MARCHF1: variants seen among roughly 807,000 people sequenced by gnomAD.
MARCHF1 encodes membrane associated ring-CH-type finger 1.
MARCHF1 carries 40 observed loss-of-function variants against 54.2 expected under a neutral mutation model. That is an observed-to-expected ratio of 0.74 (90% CI 0.57 to 0.96). MARCHF1 has a LOEUF of 0.96. MARCHF1 is among the 40% of genes least tolerant of loss of function. The pLI is 0.00. For missense variants in MARCHF1, 586 were observed against 656.5 expected, an observed-to-expected ratio of 0.89 and a Z score of 1.17; for synonymous variants, 236 against 236.3, an observed-to-expected ratio of 1.00 and a Z score of 0.01.
chr4:164,016,529 A>C (rs150961203), intron 2 of MARCHF1, among the ~76,000 whole-genome samples: 1 of 152,174 alleles, frequency 6.6e-6, no homozygotes, highest in African/African-American at 2.4e-5. Context: ...ATGGAACTGG[A>C]GGGCATTTTA....
intron 1 of MARCHF1, among the ~76,000 whole-genome samples, chr4:164,182,056 AT>A (rs1730846791): frequency 6.6e-6 from 1 of 152,120 alleles, no homozygotes; most frequent in Non-Finnish European, 1.5e-5. Flanking sequence ...TTTCTCTGAA[AT>A]TCATTAACAT....
intron 4 of MARCHF1, among the ~76,000 whole-genome samples, chr4:163,812,818 C>T (rs1748429699): frequency 6.6e-6 from 1 of 152,048 alleles, no homozygotes; most frequent in Admixed American, 6.6e-5. Flanking sequence ...ACCAAATGAG[C>T]TTTGGAAGTC....
intron 2 of MARCHF1, among the ~76,000 whole-genome samples, chr4:164,009,310 T>A (rs932913657): frequency 6.6e-6 from 1 of 152,026 alleles, no homozygotes; most frequent in African/African-American, 2.4e-5. Flanking sequence ...TAATAACAAG[T>A]CTCTCATTAA....
intron 3 of MARCHF1, among the ~76,000 whole-genome samples, chr4:163,923,786 A>G (rs928972630): frequency 2.6e-5 from 4 of 151,878 alleles, no homozygotes; most frequent in African/African-American, 9.6e-5. Flanking sequence ...AAAAAATAGA[A>G]AAAAGTAAAA....
chr4:164,179,824 A>G (rs1208273651), intron 1 of MARCHF1, among the ~76,000 whole-genome samples: 1 of 151,814 alleles, frequency 6.6e-6, no homozygotes, highest in East Asian at 1.9e-4. Flanking sequence ...TATAACCTAC[A>G]GTAATAATAA....
intron 1 of MARCHF1, among the ~76,000 whole-genome samples, chr4:164,114,339 T>G (rs989167413): frequency 6.6e-6 from 1 of 151,912 alleles, no homozygotes; most frequent in Non-Finnish European, 1.5e-5. Flanking sequence ...ATTTTCTTAT[T>G]GTTTATTGTA....
intron 1 of MARCHF1, among the ~76,000 whole-genome samples, chr4:164,307,514 C>T (rs1254355594): frequency 2.6e-5 from 4 of 152,196 alleles, no homozygotes; most frequent in South Asian, 2.1e-4. Flanking sequence ...CTGTGTAATC[C>T]TTGTGCTATC....
At chr4:164,321,906 T>G (rs991838137) in intron 1 of MARCHF1, among the ~76,000 whole-genome samples, 3 of 152,142 alleles carry the variant, frequency 2.0e-5, no homozygotes, top group African/African-American at 7.2e-5. Flanking sequence ...ATGTGCCTAC[T>G]GACTGCTTAT....
At chr4:164,159,206 A>G (rs533348733) in intron 1 of MARCHF1, among the ~76,000 whole-genome samples, 1 of 152,316 alleles carries the variant, frequency 6.6e-6, no homozygotes, top group South Asian at 2.1e-4. Context: ...CATGCTGTTG[A>G]TGCTAAAACG....
chr4:164,377,337 T>A (rs1352579031), intron 1 of MARCHF1, among the ~76,000 whole-genome samples: 1 of 152,228 alleles, frequency 6.6e-6, no homozygotes, highest in South Asian at 2.1e-4. Flanking sequence ...CTGAGTTTTA[T>A]CCATATACCA....
At chr4:163,691,409 G>C (rs1251243687) in intron 5 of MARCHF1, among the ~76,000 whole-genome samples, 1 of 152,108 alleles carries the variant, frequency 6.6e-6, no homozygotes, top group East Asian at 1.9e-4. Flanking sequence ...AAATACATAT[G>C]TCCCTCAAGT....
chr4:163,872,411 G>C (rs1215713617), intron 3 of MARCHF1, among the ~76,000 whole-genome samples: 2 of 152,230 alleles, frequency 1.3e-5, no homozygotes, highest in Non-Finnish European at 2.9e-5. Flanking sequence ...TCTTTGGAGA[G>C]TTGAAGCTAA....
intron 3 of MARCHF1, among the ~76,000 whole-genome samples, chr4:163,947,791 C>T (rs1047680516): frequency 1.6e-4 from 24 of 152,128 alleles, no homozygotes; most frequent in Non-Finnish European, 2.6e-4. Flanking sequence ...TTTGAGGTAA[C>T]GTAGCTTCCT....
chr4:164,138,362 A>T (rs1336178660), intron 1 of MARCHF1, among the ~76,000 whole-genome samples: 2 of 152,066 alleles, frequency 1.3e-5, no homozygotes, highest in East Asian at 3.9e-4. Flanking sequence ...TAAATCTTAT[A>T]GGGGAGATAA....
intron 3 of MARCHF1, among the ~76,000 whole-genome samples, chr4:163,955,330 T>C (rs1292753349): frequency 1.6e-5 from 2 of 128,376 alleles, no homozygotes; most frequent in African/African-American, 3.1e-5. Flanking sequence ...TAATAGAGGA[T>C]AGGATCTGCT....
chr4:164,072,264 A>T (rs1754883165), intron 2 of MARCHF1, among the ~76,000 whole-genome samples: 1 of 152,208 alleles, frequency 6.6e-6, no homozygotes, highest in Admixed American at 6.5e-5. Context: ...ATGTTTTCTC[A>T]TCAGTGTTGT....
At chr4:163,711,775 C>G (rs1745110972) in intron 4 of MARCHF1, among the ~76,000 whole-genome samples, 1 of 152,162 alleles carries the variant, frequency 6.6e-6, no homozygotes, top group Non-Finnish European at 1.5e-5. Flanking sequence ...GGGTATACAA[C>G]TATCTCTTAT....
intron 3 of MARCHF1, among the ~76,000 whole-genome samples, chr4:163,937,402 T>C (rs74929814): frequency 0.016 from 2,420 of 152,108 alleles, 55 homozygotes; most frequent in African/African-American, 0.056. Flanking sequence ...GTCATATGTC[T>C]TTTGTCCTTG....
chr4:163,930,814 C>T (rs550854950), intron 3 of MARCHF1, among the ~76,000 whole-genome samples: 33 of 152,104 alleles, frequency 2.2e-4, no homozygotes, highest in African/African-American at 7.7e-4. Flanking sequence ...AAAGTTGATG[C>T]TGAATAAGTT....
Sources: allele counts gnomAD v4.1 joint callset (sites outside exome capture counted in the v4.1 genomes callset), GRCh38; gene constraint gnomAD v4.1.1; transcripts MANE v1.5; gene names NCBI Gene and HGNC (gene_info 2026-07-23, HGNC 2026-07-21).